Variants in ANLN observed in about 807,000 individuals in gnomAD.
The protein encoded by ANLN is anillin, actin binding protein, also known as anillin.
ANLN carries 59 observed loss-of-function variants against 135.1 expected under a neutral mutation model. That is an observed-to-expected ratio of 0.44 (90% CI 0.35 to 0.54). The LOEUF is 0.54. Ranked by LOEUF, ANLN falls within the 20% of genes least tolerant of loss-of-function variation. The pLI is 0.00. For synonymous variants in ANLN, 406 were observed against 456.4 expected (o/e 0.89, Z 1.41); for missense variants, 1,182 against 1,340.0 (o/e 0.88, Z 1.84).
intron 9 of ANLN, among the ~76,000 whole-genome samples, chr7:36,418,810 A>G (rs1583622324): frequency 6.6e-6 from 1 of 151,348 alleles, no homozygotes; most frequent in Non-Finnish European, 1.5e-5. Flanking sequence ...CTAGAGCGCA[A>G]TGGCACAATC....
intron 8 of ANLN, among the ~76,000 whole-genome samples, chr7:36,416,550 G>C (rs1453365255): frequency 1.3e-5 from 2 of 152,068 alleles, no homozygotes; most frequent in East Asian, 3.9e-4. Context: ...TTCATATATG[G>C]CCTTTGTTAC....
At chr7:36,402,523 C>G (rs1485339916) in intron 3 of ANLN, among the ~76,000 whole-genome samples, 2 of 152,138 alleles carry the variant, frequency 1.3e-5, no homozygotes, top group Non-Finnish European at 2.9e-5. Context: ...AAAACACTTG[C>G]CTGCTTCTGC....
chr7:36,436,977 AT>A (rs922267084), intron 20 of ANLN, among the ~76,000 whole-genome samples: 9 of 152,018 alleles, frequency 5.9e-5, no homozygotes, highest in African/African-American at 9.7e-5. Context: ...AAGGTCTATA[AT>A]TTTTTTTATT....
chr7:36,402,048 A>G (rs1301275688), intron 3 of ANLN, among the ~76,000 whole-genome samples: 3 of 117,690 alleles, frequency 2.5e-5, no homozygotes, highest in African/African-American at 1.1e-4. Context: ...CTCTCTGCCT[A>G]TGGAGTAGCC....
chr7:36,407,308 C>T (rs1038406217), intron 4 of ANLN, among the ~76,000 whole-genome samples: 6 of 152,076 alleles, frequency 3.9e-5, no homozygotes, highest in African/African-American at 1.4e-4. Context: ...AGCATAGTAC[C>T]TGGCTATGTA....
chr7:36,399,480 GA>G (rs1378244025), intron 3 of ANLN, 87 bp downstream of exon 3: 7 of 1,190,230 alleles, frequency 5.9e-6, no homozygotes, highest in Non-Finnish European at 7.0e-6. Flanking sequence ...GTTAACTCAT[GA>G]AAAATAAATG....
At chr7:36,442,211 A>C (rs1344873138) in intron 21 of ANLN, among the ~76,000 whole-genome samples, 2 of 152,254 alleles carry the variant, frequency 1.3e-5, no homozygotes, top group Non-Finnish European at 2.9e-5. Flanking sequence ...GATAATTTAA[A>C]GATATGCTTA....
chr7:36,437,957 A>G (rs1040735159), intron 20 of ANLN, among the ~76,000 whole-genome samples: 2 of 151,922 alleles, frequency 1.3e-5, no homozygotes, highest in Non-Finnish European at 2.9e-5. Context: ...TTTAGTACAG[A>G]TGGGATTTCA....
Position 36,407,867 on chromosome 7 carries a change from C to G in ANLN, c.1007C>G (p.Ser336Ter), listed in dbSNP as rs1257554953. 1 of 1,613,854 alleles carries G rather than the reference C, an allele frequency of 6.2e-7. No individual in the cohort carries two copies. Residue 336 changes from serine (S) to a stop codon, truncating the protein, a stop_gained, in exon 5 of 24, where the codon TCA becomes TGA. Coordinates refer to ENST00000265748, the MANE Select transcript of ANLN (RefSeq NM_018685.5). LOFTEE classifies it high-confidence loss of function. Reference sequence around the variant, plus strand: ...GGGGTATCGAAACCAATTGTGAAGTCAACTTTATCCCAGACAGTTCCATCC... The same window carrying G: ...GGGGTATCGAAACCAATTGTGAAGTGAACTTTATCCCAGACAGTTCCATCC... The part of the protein sequence containing the change: ...KTGVSKPIVK[S>*]TLSQTVPSKG...
At position 36,407,655 on chromosome 7, in the gene ANLN, T is replaced by A. The variant is rs1350486249; in HGVS notation, c.874-79T>A. On this transcript the variant is annotated intron_variant, in intron 4 of 23. Coordinates refer to ENST00000265748, the MANE Select transcript of ANLN (RefSeq NM_018685.5). ...TCTTACATAAAGGCTATCAAGTAAA[T>A]AGGACTTGAATTGTTTTGTTATAGG... 6.7e-6 allele frequency: 7 copies of A among 1,044,404 alleles called. No homozygotes were observed. In the African/African-American group the frequency reaches 1.1e-4, roughly 17 times the overall value. 64.7% of individuals were successfully genotyped at this position (1,044,404 alleles called of 1,614,324 possible). A position where few individuals can be genotyped will look rare whatever the true frequency, so the allele number is the denominator to read the frequency against.
chr7:36,409,446 A>T (rs1297405070), intron 5 of ANLN, among the ~76,000 whole-genome samples: 2 of 152,192 alleles, frequency 1.3e-5, no homozygotes, highest in Non-Finnish European at 2.9e-5. Context: ...AATGCAGAGC[A>T]GAATAGTTGT....
chr7:36,447,752 G>A (rs1433568815), intron 22 of ANLN, among the ~76,000 whole-genome samples: 1 of 152,216 alleles, frequency 6.6e-6, no homozygotes, highest in East Asian at 1.9e-4. Flanking sequence ...CATGCCAGGT[G>A]CGATGGCAGG....
intron 21 of ANLN, among the ~76,000 whole-genome samples, chr7:36,442,302 T>C (rs541643471): frequency 6.6e-6 from 1 of 152,366 alleles, no homozygotes; most frequent in South Asian, 2.1e-4. Flanking sequence ...AGTTGGAATA[T>C]GAAGGTAATC....
intron 1 of ANLN, among the ~76,000 whole-genome samples, chr7:36,392,356 T>C (rs1049626831): frequency 4.6e-5 from 7 of 152,138 alleles, no homozygotes; most frequent in African/African-American, 1.7e-4. Flanking sequence ...GTCTACTGTG[T>C]TAAAGAAGGC....
At chr7:36,390,327 T>A in intron 1 of ANLN, 1 of 508,928 alleles carries the variant, frequency 2.0e-6, no homozygotes, top group South Asian at 2.4e-5. Flanking sequence ...GTTTTTACCA[T>A]GTCCCTCTGC....
Position 36,422,526 on chromosome 7 carries a change from G to A in ANLN, c.2300-107G>A, listed in dbSNP as rs116509655. On this transcript the variant is annotated intron_variant, in intron 13 of 23. Coordinates refer to ENST00000265748, the MANE Select transcript of ANLN (RefSeq NM_018685.5). ...TTATAAAGATAGTGTTACTGATTTC[G>A]TCTTCGCTGTTACGTACAGTTTCCA... 579 of 950,538 alleles carry A rather than the reference G, an allele frequency of 6.1e-4. 3 individuals are homozygous for A. In the African/African-American group the frequency reaches 8.4e-3, roughly 14 times the overall value. 58.9% of individuals were successfully genotyped at this position (950,538 alleles called of 1,614,324 possible). A position where few individuals can be genotyped will look rare whatever the true frequency, so the allele number is the denominator to read the frequency against.
chr7:36,418,346 T>C (rs1225157358), intron 9 of ANLN, among the ~76,000 whole-genome samples: 2 of 152,054 alleles, frequency 1.3e-5, no homozygotes, highest in Admixed American at 6.6e-5. Flanking sequence ...AGGAGAAGAT[T>C]AGAGTCCTGC....
rs762454595 is a variant in ANLN, at chr7:36,420,286, G to T, written c.1987G>T (p.Gly663Cys). 1 of 1,614,008 alleles carries T rather than the reference G, an allele frequency of 6.2e-7. No homozygotes were observed. The highest frequency in any genetic ancestry group is 1.1e-5 in the South Asian group (1 of 91,076). The change falls in exon 11 of 24, where the codon GGT becomes TGT. Residue 663 changes from glycine (G) to cysteine (C), a missense_variant. This residue lies in a region of ANLN where 1,022 missense variants were observed against 1,134.0 expected (regional missense o/e 0.90). Transcript: ENST00000265748. ...VPRAESGDSL[G>C]SEDRDLLYSI... ...TCGAGCTGAATCTGGTGATAGCCTTGGTTCTGAAGATCGTGATCTTCTTTA... is the reference window on the plus strand; with the variant it reads ...TCGAGCTGAATCTGGTGATAGCCTTTGTTCTGAAGATCGTGATCTTCTTTA...
chr7:36,405,571 CAGT>C (rs1347880467), intron 3 of ANLN, among the ~76,000 whole-genome samples: 1 of 152,172 alleles, frequency 6.6e-6, no homozygotes, highest in Non-Finnish European at 1.5e-5. Context: ...GAATCTTCGT[CAGT>C]TAAATATCAC....
Sources: allele counts gnomAD v4.1 joint callset (sites outside exome capture counted in the v4.1 genomes callset), GRCh38; gene constraint gnomAD v4.1.1; regional missense constraint gnomAD v4.1.1; transcripts MANE v1.5; gene names NCBI Gene and HGNC (gene_info 2026-07-23, HGNC 2026-07-21).